Variants in XRCC4 observed in about 807,000 individuals in gnomAD.
XRCC4 encodes X-ray repair cross complementing 4, also known as DNA repair protein XRCC4.
In XRCC4, 28 loss-of-function variants were observed where a neutral mutation model predicts 39.1. That is an observed-to-expected ratio of 0.72 (90% CI 0.53 to 0.98). XRCC4 has a LOEUF of 0.98. XRCC4 is among the 50% of genes least tolerant of loss of function. The pLI is 0.00. For missense variants in XRCC4, 350 were observed against 376.4 expected (o/e 0.93, Z 0.58); for synonymous variants, 123 against 126.4 (o/e 0.97, Z 0.18).
chr5:83,244,118 G>A (rs796405203), intron 6 of XRCC4, among the ~76,000 whole-genome samples: 1 of 152,126 alleles, frequency 6.6e-6, no homozygotes, highest in Non-Finnish European at 1.5e-5. Context: ...GGATTGTACT[G>A]TTATGTAATG....
intron 6 of XRCC4, among the ~76,000 whole-genome samples, chr5:83,247,079 G>A (rs76624250): frequency 0.049 from 7,514 of 152,260 alleles, 589 homozygotes; most frequent in African/African-American, 0.17. Flanking sequence ...TAGTTCTGCT[G>A]ATTGCCTGCA....
intron 6 of XRCC4, among the ~76,000 whole-genome samples, chr5:83,212,918 T>C (rs368513714): frequency 3.6e-5 from 5 of 138,568 alleles, no homozygotes; most frequent in East Asian, 2.1e-4. Context: ...CAGAATGAGA[T>C]TCCATCTAAA....
intron 7 of XRCC4, among the ~76,000 whole-genome samples, chr5:83,265,559 G>C (rs1753925053): frequency 1.3e-5 from 2 of 152,078 alleles, no homozygotes; most frequent in Non-Finnish European, 2.9e-5. Context: ...AATTGTGTTT[G>C]TGACCCAAAA....
chr5:83,320,522 A>C (rs1290071670), intron 7 of XRCC4, among the ~76,000 whole-genome samples: 1 of 151,998 alleles, frequency 6.6e-6, no homozygotes, highest in Non-Finnish European at 1.5e-5. Flanking sequence ...ATTGACTCCA[A>C]TTTTGAAAGA....
At chr5:83,336,877 T>G (rs1349438750) in intron 7 of XRCC4, among the ~76,000 whole-genome samples, 1 of 152,162 alleles carries the variant, frequency 6.6e-6, no homozygotes, top group Non-Finnish European at 1.5e-5. Context: ...TTGTAAACAT[T>G]TAAATTTATA....
intron 3 of XRCC4, among the ~76,000 whole-genome samples, chr5:83,187,400 ATTATAACCT>A (rs1217951321): frequency 6.6e-6 from 1 of 152,218 alleles, no homozygotes; most frequent in African/African-American, 2.4e-5. Context: ...CATCTCAAAG[ATTATAACCT>A]TAATCTCATT....
chr5:83,272,925 C>T (rs1296750786), intron 7 of XRCC4, among the ~76,000 whole-genome samples: 1 of 152,092 alleles, frequency 6.6e-6, no homozygotes, highest in Non-Finnish European at 1.5e-5. Flanking sequence ...GATTTTTAAT[C>T]CTTTGGGGAT....
intron 3 of XRCC4, among the ~76,000 whole-genome samples, chr5:83,173,581 T>C (rs1014788830): frequency 2.6e-5 from 4 of 152,138 alleles, no homozygotes; most frequent in African/African-American, 4.8e-5. Context: ...CCAGTGACCA[T>C]TGAAGATGGA....
In XRCC4 at chr5:83,246,764, C is replaced by T. The variant is rs1372675483; in HGVS notation, c.746-11766C>T. 2.0e-5 allele frequency among the ~76,000 whole-genome samples: 3 copies of T among 152,156 alleles called. No individual in the cohort carries two copies. In the East Asian group the frequency reaches 5.8e-4, roughly 29 times the overall value. On this transcript the variant is annotated intron_variant, in intron 6 of 7. Transcript: ENST00000396027. ...GTGGTAATACTACAAAATTATCAAT[C>T]CTTTAAAGTAACAGTTTGTGCATTT...
At chr5:83,124,704 A>C (rs1177985086) in intron 3 of XRCC4, among the ~76,000 whole-genome samples, 1 of 152,222 alleles carries the variant, frequency 6.6e-6, no homozygotes, top group Non-Finnish European at 1.5e-5. Flanking sequence ...ACTGGAATGC[A>C]TGCATGCTTA....
downstream of XRCC4, among the ~76,000 whole-genome samples, chr5:83,358,114 GCT>G (rs147919131): frequency 0.039 from 5,885 of 152,144 alleles, 191 homozygotes; most frequent in East Asian, 0.12. Flanking sequence ...TCTAATAAAC[GCT>G]TTTCGGGAAG....
At chr5:83,165,118 T>C (rs1433525770) in intron 3 of XRCC4, among the ~76,000 whole-genome samples, 2 of 152,048 alleles carry the variant, frequency 1.3e-5, no homozygotes, top group African/African-American at 4.8e-5. Flanking sequence ...AAATTAGTAA[T>C]AATTTTTCTA....
chr5:83,307,960 T>G (rs1755546460), intron 7 of XRCC4, among the ~76,000 whole-genome samples: 1 of 152,186 alleles, frequency 6.6e-6, no homozygotes, highest in Non-Finnish European at 1.5e-5. Flanking sequence ...GGACAAAAGT[T>G]TTTATGAAGC....
At chr5:83,228,130 G>T (rs927538562) in intron 6 of XRCC4, among the ~76,000 whole-genome samples, 16 of 152,028 alleles carry the variant, frequency 1.1e-4, no homozygotes, top group Non-Finnish European at 2.4e-4. Context: ...TCTTAGGAAA[G>T]AAACTAGGTA....
At position 83,241,432 on chromosome 5, in the gene XRCC4, G is replaced by A. The variant is rs554046670; in HGVS notation, c.746-17098G>A. Among the ~76,000 whole-genome samples, 11 of 152,104 alleles carry A rather than the reference G, an allele frequency of 7.2e-5. No homozygotes were observed. In the East Asian group the frequency reaches 1.9e-3, roughly 27 times the overall value. On this transcript the variant is annotated intron_variant, in intron 6 of 7. Transcript: ENST00000396027. ...TTTGTGTAATGAATATAATATACAAGTGAATTAATTCTGTTAAATAAAATA... is the reference window on the plus strand; with the variant it reads ...TTTGTGTAATGAATATAATATACAAATGAATTAATTCTGTTAAATAAAATA...
At chr5:83,093,294 A>G (rs1745516809) in intron 1 of XRCC4, among the ~76,000 whole-genome samples, 1 of 152,216 alleles carries the variant, frequency 6.6e-6, no homozygotes, top group Admixed American at 6.5e-5. Flanking sequence ...GTACCCAGCA[A>G]TGGAGCACCT....
chr5:83,167,689 G>C (rs1749545088), intron 3 of XRCC4, among the ~76,000 whole-genome samples: 1 of 152,146 alleles, frequency 6.6e-6, no homozygotes, highest in Non-Finnish European at 1.5e-5. Flanking sequence ...AATTTACACT[G>C]TCCTCATATC....
chr5:83,284,052 C>CAA (rs766161565), intron 7 of XRCC4, among the ~76,000 whole-genome samples: 1 of 16,070 alleles, frequency 6.2e-5, no homozygotes, highest in Non-Finnish European at 1.3e-4. Flanking sequence ...CAACCCAGAG[C>CAA]AAAAAAAAAA....
intron 7 of XRCC4, among the ~76,000 whole-genome samples, chr5:83,351,123 G>A (rs1350938312): frequency 4.6e-5 from 7 of 152,110 alleles, no homozygotes; most frequent in Non-Finnish European, 1.0e-4. Context: ...GTTTAAAAAT[G>A]TGTGGCATCT....
Sources: allele counts gnomAD v4.1 joint callset (sites outside exome capture counted in the v4.1 genomes callset), GRCh38; gene constraint gnomAD v4.1.1; transcripts MANE v1.5; gene names NCBI Gene and HGNC (gene_info 2026-07-23, HGNC 2026-07-21).